The following ADPRHL1 variants were observed in gnomAD, a reference collection of about 807,000 sequenced individuals.
The protein encoded by ADPRHL1 is ADP-ribosylhydrolase like 1, also known as inactive ADP-ribosyltransferase ARH2.
Under a neutral mutation model 44.1 loss-of-function variants are expected in ADPRHL1, and 43 were observed. The observed-to-expected ratio is 0.98, with a 90% confidence interval of 0.76 to 1.26. The LOEUF (loss-of-function observed/expected upper bound fraction) is 1.26. Ranked by LOEUF, ADPRHL1 falls within the 50% of genes most tolerant of loss-of-function variation. ADPRHL1 has a pLI of 0.00. For missense variants in ADPRHL1, 2,022 were observed against 2,496.9 expected (o/e 0.81, Z 4.05); for synonymous variants, 878 against 1,017.4 (o/e 0.86, Z 2.61).
In ADPRHL1 at chr13:113,404,410, G is replaced by A. The variant is rs2043790872; in HGVS notation, c.4872C>T (p.Ala1624=). 26 of 1,320,580 alleles carry A rather than the reference G, an allele frequency of 2.0e-5. No homozygotes were observed. The highest frequency in any genetic ancestry group is 2.5e-5 in the Non-Finnish European group (26 of 1,042,594). 81.8% of individuals were successfully genotyped at this position (1,320,580 alleles called of 1,614,324 possible). A position where few individuals can be genotyped will look rare whatever the true frequency, so the allele number is the denominator to read the frequency against. ...GGGTCTGTTCCTGAGCCCATTTCTG[G>A]GCCTTTATCTGGGTCTGCCACTGGG... ...GQAQWQTQIK[A]QKWAQEQTQK... Residue 1624 remains alanine (A), a synonymous_variant, in exon 8 of 8, where the codon GCC becomes GCT. Coordinates refer to ENST00000612156, the MANE Select transcript of ADPRHL1 (RefSeq NM_001394807.1).
At chr13:113,411,616 C>T (rs940260965) in intron 7 of ADPRHL1, among the ~76,000 whole-genome samples, 3 of 152,226 alleles carry the variant, frequency 2.0e-5, no homozygotes, top group African/African-American at 4.8e-5. Flanking sequence ...ATCTGAGACA[C>T]GTTTTCACTC....
At chr13:113,423,412 G>A (rs1235870095) in intron 6 of ADPRHL1, among the ~76,000 whole-genome samples, 4 of 152,228 alleles carry the variant, frequency 2.6e-5, no homozygotes, top group African/African-American at 9.6e-5. Flanking sequence ...AGGGGAGCCC[G>A]AGGCCGCATG....
chr13:113,400,424 A>T lies in ADPRHL1; in HGVS notation c.*2954T>A, dbSNP rs753360139. 2.0e-5 allele frequency: 3 copies of T among 150,756 alleles called. No homozygotes were observed. The highest frequency in any genetic ancestry group is 7.3e-5 in the African/African-American group (3 of 41,090). 9.3% of individuals were successfully genotyped at this position (150,756 alleles called of 1,614,324 possible). ...CTCCCAAAGTGCTGGGATTACAGGC[A>T]TGAGCCACCGTGCCCGGCCACTTTC... On this transcript the variant is annotated 3_prime_UTR_variant, in exon 8 of 8. Transcript: ENST00000612156.
intron 2 of ADPRHL1, among the ~76,000 whole-genome samples, chr13:113,439,733 C>G (rs886222670): frequency 4.6e-5 from 7 of 152,202 alleles, no homozygotes; most frequent in Admixed American, 2.0e-4. Context: ...CAGGTGTGAG[C>G]CACCATGACT....
chr13:113,431,837 T>C (rs1414309520), intron 3 of ADPRHL1, among the ~76,000 whole-genome samples: 5 of 151,636 alleles, frequency 3.3e-5, no homozygotes, highest in African/African-American at 9.7e-5. Flanking sequence ...TGCCTCAGCC[T>C]CCTGAGTAGC....
In ADPRHL1 at chr13:113,429,211, C is replaced by T; in HGVS notation, c.506-119G>A. ...GGGTTTGCTCGTTTTCCGTCTTTCCCATGTTCAGGTGCACAGTTCGGCGGC... is the reference window on the plus strand; with the variant it reads ...GGGTTTGCTCGTTTTCCGTCTTTCCTATGTTCAGGTGCACAGTTCGGCGGC... On this transcript the variant is annotated intron_variant, in intron 3 of 7. Transcript: ENST00000612156. 2.2e-6 allele frequency: 3 copies of T among 1,356,452 alleles called. No homozygotes were observed. In the South Asian group the frequency reaches 4.1e-5, roughly 18 times the overall value. 84.0% of individuals were successfully genotyped at this position (1,356,452 alleles called of 1,614,324 possible).
At chr13:113,437,614 G>C (rs1385747333) in intron 2 of ADPRHL1, among the ~76,000 whole-genome samples, 1 of 152,220 alleles carries the variant, frequency 6.6e-6, no homozygotes, top group African/African-American at 2.4e-5. Flanking sequence ...TCTGAGAAGC[G>C]CCCACGTTGT....
chr13:113,451,711 G>A (rs1209309122), intron 1 of ADPRHL1, among the ~76,000 whole-genome samples: 1 of 152,142 alleles, frequency 6.6e-6, no homozygotes, highest in African/African-American at 2.4e-5. Context: ...AGGAGGCTGA[G>A]GCAGGAGAAT....
rs974246060 is a variant in ADPRHL1 at position 113,401,887 on chromosome 13, C to G, written c.*1491G>C. On this transcript the variant is annotated 3_prime_UTR_variant, in exon 8 of 8. Coordinates refer to ENST00000612156, the MANE Select transcript of ADPRHL1 (RefSeq NM_001394807.1). This position sits in a 1 kb window ranked among gnomAD's most constrained non-coding sequence, Gnocchi z 5.5. The stretch of plus-strand genomic sequence containing the variant: ...CTTCCCTGGAAGGAGAGACCTCAGC[C>G]CCGCGTGGGTAGGACGCGCCTGCTG... 1 of 152,270 alleles carries G rather than the reference C, an allele frequency of 6.6e-6. No individual in the cohort carries two copies. The highest frequency in any genetic ancestry group is 2.4e-5 in the African/African-American group (1 of 41,478). The allele number at this position is 152,270 out of a possible 1,614,324, so 9.4% of individuals were successfully genotyped here. A position where few individuals can be genotyped will look rare whatever the true frequency, so the allele number is the denominator to read the frequency against.
At position 113,409,371 on chromosome 13, in the gene ADPRHL1, C is replaced by A. The variant is rs143543454; in HGVS notation, c.1062-1151G>T. 1.0e-6 allele frequency: 1 copy of A among 985,346 alleles called. No individual in the cohort carries two copies. Among genetic ancestry groups the A allele is most frequent in the East Asian group, 1.1e-4 (1 of 8,810 alleles). The allele number at this position is 985,346 out of a possible 1,614,324, so 61.0% of individuals were successfully genotyped here. ...CTGTCACACCTGTTAGTCATTCATT[C>A]TAAGGAGATCATCAGGGATGAGGAA... is the stretch of plus-strand genomic sequence containing the variant. On this transcript the variant is annotated intron_variant, in intron 7 of 7. Coordinates refer to ENST00000612156, the MANE Select transcript of ADPRHL1 (RefSeq NM_001394807.1). The surrounding 1 kb of genome is among the most constrained non-coding windows in gnomAD (Gnocchi z 4.2).
At chr13:113,419,466 T>G (rs2043905046) in intron 7 of ADPRHL1, among the ~76,000 whole-genome samples, 1 of 152,038 alleles carries the variant, frequency 6.6e-6, no homozygotes, top group African/African-American at 2.4e-5. Flanking sequence ...CTCCATCACT[T>G]AAACTATGGA....
rs1196180625 is a variant in ADPRHL1, at chr13:113,409,165, G to C, written c.1062-945C>G. On this transcript the variant is annotated intron_variant, in intron 7 of 7. Coordinates refer to ENST00000612156, the MANE Select transcript of ADPRHL1 (RefSeq NM_001394807.1). The surrounding 1 kb of genome is among the most constrained non-coding windows in gnomAD (Gnocchi z 4.2). ...GACGGGACCAAATGGGTCTTGGCTG[G>C]AGAGACAGGGTCTTTGTGATTTGAT... Among the ~76,000 whole-genome samples the C allele has an allele frequency of 6.6e-6, 1 of 152,218 alleles. No individual in the cohort carries two copies. The highest frequency in any genetic ancestry group is 1.5e-5 in the Non-Finnish European group (1 of 68,046).
At chr13:113,408,747 T>C (rs2043827413) in intron 7 of ADPRHL1, among the ~76,000 whole-genome samples, 1 of 150,840 alleles carries the variant, frequency 6.6e-6, no homozygotes, top group South Asian at 2.1e-4. Context: ...AGCAAACCGC[T>C]CAGGCTTGGG....
intron 2 of ADPRHL1, among the ~76,000 whole-genome samples, chr13:113,440,436 T>C (rs564016432): frequency 1.3e-5 from 2 of 152,254 alleles, no homozygotes; most frequent in South Asian, 2.1e-4. Flanking sequence ...TTGATTAGTG[T>C]TAGTGTGGTA....
In ADPRHL1 at chr13:113,405,246, C is replaced by G; in HGVS notation, c.4036G>C (p.Ala1346Pro). Residue 1346 changes from alanine to proline, a missense_variant, in exon 8 of 8, where the codon GCT (alanine) becomes CCT (proline). Coordinates refer to ENST00000612156, the MANE Select transcript of ADPRHL1 (RefSeq NM_001394807.1). ...CGGAGCTTTGCCTGTGTGTCACCAG[C>G]AGTAGGGGGCAGGTGTGCCTGTAGA... Reference protein sequence around the residue: ...PHLQAHLPPTAGDTQAKLRAS... With the variant: ...PHLQAHLPPTPGDTQAKLRAS... 8.1e-7 allele frequency: 1 copy of G among 1,231,920 alleles called. No individual in the cohort carries two copies. The allele number at this position is 1,231,920 out of a possible 1,614,324, so 76.3% of individuals were successfully genotyped here.
chr13:113,429,098 G>A lies in ADPRHL1; in HGVS notation c.506-6C>T, dbSNP rs766086834. ...GCACAGGGAGCCCAGGAAGCCTGGA[G>A]GGCAGGGAAGAGAGAGGGGGCACCA... On this transcript the variant is annotated splice_region_variant and splice_polypyrimidine_tract_variant and intron_variant, in intron 3 of 7. Transcript: ENST00000612156. 2 of 1,588,722 alleles carry A rather than the reference G, an allele frequency of 1.3e-6. No homozygotes were observed. The highest frequency in any genetic ancestry group is 1.7e-6 in the Non-Finnish European group (2 of 1,167,084).
intron 1 of ADPRHL1, among the ~76,000 whole-genome samples, chr13:113,448,431 A>G (rs1595557783): frequency 7.4e-6 from 1 of 135,840 alleles, no homozygotes; most frequent in South Asian, 2.5e-4. Context: ...GCGCCACTGT[A>G]CTCCAGCCCG....
intron 2 of ADPRHL1, among the ~76,000 whole-genome samples, chr13:113,434,720 C>T (rs1219217525): frequency 1.5e-5 from 2 of 133,858 alleles, no homozygotes; most frequent in African/African-American, 2.8e-5. Context: ...CCCCGGGACC[C>T]GGCACCCAGG....
chr13:113,415,921 G>T (rs541681081), intron 7 of ADPRHL1, among the ~76,000 whole-genome samples: 81 of 152,098 alleles, frequency 5.3e-4, no homozygotes, highest in African/African-American at 1.8e-3. Context: ...GATTACTAAA[G>T]AATCTAATAT....
Sources: gnomAD v4.1 joint callset for allele counts (sites outside exome capture counted in the v4.1 genomes callset) on GRCh38, gnomAD v4.1.1 for gene constraint, Gnocchi (gnomAD v3.1) non-coding constraint, MANE v1.5 for transcripts, NCBI Gene and HGNC (gene_info 2026-07-23, HGNC 2026-07-21) for gene names.